The following CEP63 variants were observed in gnomAD, a reference collection of about 807,000 sequenced individuals.
The protein encoded by CEP63 is centrosomal protein of 63 kDa.
A neutral mutation model predicts 89.1 loss-of-function variants in CEP63; 84 were observed. The ratio of observed to expected loss-of-function variants is 0.94; its 90% CI spans 0.79 to 1.13. The LOEUF is 1.13. Among genes scored for constraint, CEP63 ranks in the 50% most tolerant of loss-of-function variants. The probability of loss-of-function intolerance (pLI) is 0.00; values close to 1 mark genes in which losing one functional copy is unlikely to be tolerated. For missense variants in CEP63, 838 were observed against 813.3 expected (o/e 1.03, Z -0.37); for synonymous variants, 267 against 272.5 (o/e 0.98, Z 0.20).
the CEP63 span, among the ~76,000 whole-genome samples, chr3:134,702,978 A>C: frequency 6.6e-6 from 1 of 152,152 alleles, no homozygotes; most frequent in Non-Finnish European, 1.5e-5. Flanking sequence ...TATATACCCA[A>C]AGGAATATAA....
At chr3:134,657,232 T>C in the CEP63 span, among the ~76,000 whole-genome samples, 1 of 152,212 alleles carries the variant, frequency 6.6e-6, no homozygotes, top group Non-Finnish European at 1.5e-5. Context: ...TCAGATCTTG[T>C]GAGACTTATT....
upstream of CEP63, chr3:134,485,917 C>G (rs2107717204): frequency 1.1e-6 from 1 of 940,040 alleles, no homozygotes; most frequent in Non-Finnish European, 1.3e-6. Flanking sequence ...TCCCGCGCCT[C>G]CAAAACCTAG....
chr3:134,651,005 G>T, the CEP63 span: 1 of 1,610,766 alleles, frequency 6.2e-7, no homozygotes, highest in African/African-American at 1.3e-5. Context: ...CGCACGCTAG[G>T]CTGCTTGCGC....
the CEP63 span, among the ~76,000 whole-genome samples, chr3:134,733,798 G>A: frequency 3.3e-5 from 5 of 152,226 alleles, no homozygotes; most frequent in African/African-American, 9.6e-5. Context: ...CAGGCTTCTA[G>A]CCTGCAGAAC....
the CEP63 span, among the ~76,000 whole-genome samples, chr3:134,641,004 A>AC: frequency 6.6e-6 from 1 of 151,836 alleles, no homozygotes; most frequent in Non-Finnish European, 1.5e-5. Context: ...CTCTTCTGCT[A>AC]CCCCCACCTT....
chr3:134,751,927 A>G, the CEP63 span, among the ~76,000 whole-genome samples: 1 of 152,112 alleles, frequency 6.6e-6, no homozygotes, highest in Non-Finnish European at 1.5e-5. Flanking sequence ...GACAGAGCTC[A>G]TTGGTTTTAT....
chr3:134,679,307 C>T, the CEP63 span, among the ~76,000 whole-genome samples: 1 of 152,158 alleles, frequency 6.6e-6, no homozygotes, highest in East Asian at 1.9e-4. Flanking sequence ...CTCAAGGCCC[C>T]ACGGCTCATT....
intron 3 of CEP63, among the ~76,000 whole-genome samples, chr3:134,520,349 T>A (rs9990351): frequency 0.63 from 96,351 of 151,854 alleles, 31,257 homozygotes; most frequent in East Asian, 0.81. Context: ...CCAAATAGAG[T>A]AAATCCAATG....
chr3:134,781,592 A>G, the CEP63 span, among the ~76,000 whole-genome samples: 3 of 151,650 alleles, frequency 2.0e-5, no homozygotes, highest in Admixed American at 1.3e-4. Context: ...TTGTACACCA[A>G]GCCTCATTTA....
At chr3:134,746,234 A>G in the CEP63 span, among the ~76,000 whole-genome samples, 12 of 151,618 alleles carry the variant, frequency 7.9e-5, no homozygotes, top group Middle Eastern at 3.4e-3. Flanking sequence ...CCATGTCCCT[A>G]CAAAGGACAT....
At chr3:134,718,917 A>C in the CEP63 span, among the ~76,000 whole-genome samples, 1 of 152,250 alleles carries the variant, frequency 6.6e-6, no homozygotes, top group African/African-American at 2.4e-5. Flanking sequence ...TGAACTTTTG[A>C]TATATTGAGG....
chr3:134,679,666 T>G, the CEP63 span, among the ~76,000 whole-genome samples: 1 of 152,172 alleles, frequency 6.6e-6, no homozygotes, highest in Non-Finnish European at 1.5e-5. Flanking sequence ...TCTTTAAAGA[T>G]CTAATTAAGT....
chr3:134,755,235 G>GCCCTGAGCCCTGAA, the CEP63 span, among the ~76,000 whole-genome samples: 3 of 2,974 alleles, frequency 1.0e-3, no homozygotes, highest in Admixed American at 0.068. Flanking sequence ...TGAACCCTGA[G>GCCCTGAGCCCTGAA]CCCTGAGCCC....
chr3:134,651,102 G>A, the CEP63 span: 3 of 1,520,146 alleles, frequency 2.0e-6, no homozygotes, highest in Non-Finnish European at 2.6e-6. Flanking sequence ...GGAGCCGCAG[G>A]GCGCTGCTTT....
chr3:134,624,337 T>A, the CEP63 span, among the ~76,000 whole-genome samples: 1 of 152,240 alleles, frequency 6.6e-6, no homozygotes, highest in Non-Finnish European at 1.5e-5. Context: ...ATGTCTTTGC[T>A]TCTCATCTGG....
At chr3:134,722,150 C>G in the CEP63 span, among the ~76,000 whole-genome samples, 4 of 152,024 alleles carry the variant, frequency 2.6e-5, no homozygotes, top group Non-Finnish European at 5.9e-5. Context: ...GATGTCTTTA[C>G]TTGTTATAGG....
At chr3:134,486,411 G>T (rs1252471912) in intron 1 of CEP63, 1 of 985,482 alleles carries the variant, frequency 1.0e-6, no homozygotes, top group South Asian at 4.7e-5. Context: ...GGTCCGCCCC[G>T]AAGCCCAGTC....
At chr3:134,762,403 G>T in the CEP63 span, among the ~76,000 whole-genome samples, 1 of 152,160 alleles carries the variant, frequency 6.6e-6, no homozygotes, top group Non-Finnish European at 1.5e-5. Context: ...GAGTGGGGCT[G>T]GGGGACATTA....
chr3:134,577,261 A>G (rs1352609762), downstream of CEP63, among the ~76,000 whole-genome samples: 4 of 152,100 alleles, frequency 2.6e-5, no homozygotes, highest in African/African-American at 7.2e-5. Context: ...GGAAAAAAAA[A>G]ATAGGAGAAA....
Sources: gnomAD v4.1 joint callset for allele counts (sites outside exome capture counted in the v4.1 genomes callset) on GRCh38, gnomAD v4.1.1 for gene constraint, MANE v1.5 for transcripts, NCBI Gene and HGNC (gene_info 2026-07-23, HGNC 2026-07-21) for gene names.